Variants in KIF13B observed in about 807,000 individuals in gnomAD.
KIF13B encodes the protein kinesin family member 13B.
In KIF13B, 127 loss-of-function variants were observed where a neutral mutation model predicts 222.0. That is an observed-to-expected ratio of 0.57 (90% CI 0.50 to 0.66). The LOEUF (loss-of-function observed/expected upper bound fraction) is 0.66, where lower values mean the gene tolerates loss of function less well. Among genes scored for constraint, KIF13B ranks in the 30% least tolerant of loss-of-function variants. The probability of loss-of-function intolerance (pLI) is 0.00; values close to 1 mark genes in which losing one functional copy is unlikely to be tolerated. For missense variants in KIF13B, 2,173 were observed against 2,379.0 expected (o/e 0.91, Z 1.80); for synonymous variants, 976 against 919.0 (o/e 1.06, Z -1.12).
At chr8:29,157,253 C>T (rs564530601) in intron 13 of KIF13B, among the ~76,000 whole-genome samples, 2 of 151,964 alleles carry the variant, frequency 1.3e-5, no homozygotes, top group African/African-American at 4.8e-5. Context: ...TCACACCATC[C>T]CCTATTTAAA....
rs563797374 is a variant in KIF13B, at chr8:29,196,621, G to C, written c.150-422C>G. ...ACAGATTACTCTCTTATCTGTACAGGCTCCTCTACAAAACAATGAATTCTA... is the reference window on the plus strand; with the variant it reads ...ACAGATTACTCTCTTATCTGTACAGCCTCCTCTACAAAACAATGAATTCTA... On this transcript the variant is annotated intron_variant, in intron 2 of 39. Transcript: ENST00000524189. Among the ~76,000 whole-genome samples, 13 of 152,098 alleles carry C rather than the reference G, an allele frequency of 8.5e-5. No individual in the cohort carries two copies. The East Asian group carries it at 1.5e-3, about 18-fold the overall frequency.
chr8:29,189,091 A>C (rs1032735739), intron 4 of KIF13B, among the ~76,000 whole-genome samples: 2 of 152,136 alleles, frequency 1.3e-5, no homozygotes, highest in African/African-American at 2.4e-5. Flanking sequence ...AGAGCCTGGA[A>C]ATTTCCCTCA....
chr8:29,118,181 C>G (rs534418693), intron 30 of KIF13B, among the ~76,000 whole-genome samples: 117 of 150,996 alleles, frequency 7.7e-4, no homozygotes, highest in Middle Eastern at 6.8e-3. Flanking sequence ...TTAAAAAGTC[C>G]TTACAAAATG....
chr8:29,195,824 C>A (rs1191422319), intron 3 of KIF13B, among the ~76,000 whole-genome samples: 1 of 152,170 alleles, frequency 6.6e-6, no homozygotes, highest in Non-Finnish European at 1.5e-5. Flanking sequence ...CGGCTTGAGG[C>A]CGCGCAGGTT....
chr8:29,140,553 A>G lies in KIF13B; in HGVS notation c.2399T>C (p.Ile800Thr), dbSNP rs764798594. The change falls in exon 20 of 40, where the codon ATT (isoleucine) becomes ACT (threonine). Residue 800 changes from isoleucine (I) to threonine (T), a missense_variant. Around this residue, in one of 2 missense-constraint regions of KIF13B, gnomAD observed 1,480 missense variants for 1,722.8 expected, o/e 0.86. Transcript: ENST00000524189. ...FYDEQENHSL[I>T]GVANVFLESL... Reference sequence around the variant, plus strand: ...CTCGAGGAAGACATTGGCCACCCCAATGAGACTGTGATTTTCCTGCTCATC... The same window carrying G: ...CTCGAGGAAGACATTGGCCACCCCAGTGAGACTGTGATTTTCCTGCTCATC... The G allele has an allele frequency of 6.8e-5, 109 of 1,613,738 alleles. No individual in the cohort carries two copies. Among genetic ancestry groups the G allele is most frequent in the Non-Finnish European group, 9.1e-5 (107 of 1,179,764 alleles).
In KIF13B at chr8:29,157,689, A is replaced by G. The variant is rs1203261605; in HGVS notation, c.1405-1833T>C. Among the ~76,000 whole-genome samples, 8 of 152,158 alleles carry G rather than the reference A, an allele frequency of 5.3e-5. No individual in the cohort carries two copies. In the East Asian group the frequency reaches 1.5e-3, roughly 29 times the overall value. ...CACTGCACTCCAGCCTGGGCGAAAG[A>G]GCAAGACTCCGTCTCAATAAATAAA... On this transcript the variant is annotated intron_variant, in intron 13 of 39. Transcript: ENST00000524189.
intron 6 of KIF13B, among the ~76,000 whole-genome samples, chr8:29,184,943 T>C (rs963255569): frequency 1.3e-5 from 2 of 152,136 alleles, no homozygotes; most frequent in Admixed American, 6.5e-5. Flanking sequence ...TCTAGCCTCT[T>C]TGTTTTGGAA....
intron 35 of KIF13B, among the ~76,000 whole-genome samples, chr8:29,106,674 T>G (rs1809088093): frequency 7.0e-6 from 1 of 143,354 alleles, no homozygotes; most frequent in African/African-American, 2.6e-5. Flanking sequence ...AATTAATGCA[T>G]CAACTTAATC....
At chr8:29,258,724 A>G (rs1816575812) in intron 1 of KIF13B, among the ~76,000 whole-genome samples, 1 of 152,132 alleles carries the variant, frequency 6.6e-6, no homozygotes, top group South Asian at 2.1e-4. Context: ...TCCTCCCTGG[A>G]AGTCCAACCA....
At chr8:29,182,714 GAAT>G (rs1563766973) in intron 6 of KIF13B, among the ~76,000 whole-genome samples, 2 of 151,230 alleles carry the variant, frequency 1.3e-5, no homozygotes, top group Non-Finnish European at 2.9e-5. Flanking sequence ...AAAATATTAA[GAAT>G]AATAATATAA....
rs1289338017 is a variant in KIF13B, at chr8:29,181,875, C to T, written c.585+44G>A. 5.1e-6 allele frequency: 7 copies of T among 1,385,002 alleles called. No homozygotes were observed. The East Asian group carries it at 1.4e-4, about 28-fold the overall frequency. 85.8% of individuals were successfully genotyped at this position (1,385,002 alleles called of 1,614,324 possible). On this transcript the variant is annotated intron_variant, in intron 7 of 39. Coordinates refer to ENST00000524189, the MANE Select transcript of KIF13B (RefSeq NM_015254.4). ...AGCCAAGAAAAAAAAGAGCCCCACC[C>T]TACTACACTAAATTTAAATAGTTCA...
chr8:29,199,978 A>G (rs1813623062), intron 2 of KIF13B, among the ~76,000 whole-genome samples: 1 of 152,234 alleles, frequency 6.6e-6, no homozygotes, highest in Non-Finnish European at 1.5e-5. Context: ...TTTAAATAAA[A>G]TGTTTTTATA....
chr8:29,241,729 C>T (rs1375459912), intron 2 of KIF13B, among the ~76,000 whole-genome samples: 1 of 147,148 alleles, frequency 6.8e-6, no homozygotes, highest in Non-Finnish European at 1.5e-5. Context: ...AAAAAAAAGC[C>T]TTTTCCACAT....
chr8:29,188,556 A>G lies in KIF13B; in HGVS notation c.275T>C (p.Phe92Ser), dbSNP rs769508690. The G allele has an allele frequency of 6.2e-7, 1 of 1,612,484 alleles. No individual in the cohort carries two copies. Among genetic ancestry groups the G allele is most frequent in the African/African-American group, 1.3e-5 (1 of 74,936 alleles). The change falls in exon 5 of 40, where the codon TTT becomes TCT. Residue 92 changes from phenylalanine (F) to serine (S), a missense_variant. By Grantham distance (155) the Phe-to-Ser change is radical. Around this residue, in one of 2 missense-constraint regions of KIF13B, gnomAD observed 1,480 missense variants for 1,722.8 expected, o/e 0.86. Coordinates refer to ENST00000524189, the MANE Select transcript of KIF13B (RefSeq NM_015254.4). The stretch of plus-strand genomic sequence containing the variant: ...AAAGATACATGCATTGTAGCCATCA[A>G]AAGCATTCTGCAGGATATTCTCTCC... ...CLGENILQNAFDGYNACIFAY... is the reference protein window; with the variant it reads ...CLGENILQNASDGYNACIFAY...
chr8:29,084,625 T>C (rs1174728620), intron 37 of KIF13B, among the ~76,000 whole-genome samples: 1 of 152,200 alleles, frequency 6.6e-6, no homozygotes, highest in East Asian at 1.9e-4. Flanking sequence ...ATCTGACCAT[T>C]AACCCTTTAA....
chr8:29,193,812 C>A (rs182309826), intron 3 of KIF13B, among the ~76,000 whole-genome samples: 4 of 152,126 alleles, frequency 2.6e-5, no homozygotes, highest in Non-Finnish European at 4.4e-5. Flanking sequence ...TACTGTACTG[C>A]TTTTTACATT....
At chr8:29,209,287 T>C (rs1467860823) in intron 2 of KIF13B, among the ~76,000 whole-genome samples, 2 of 152,134 alleles carry the variant, frequency 1.3e-5, no homozygotes, top group African/African-American at 2.4e-5. Flanking sequence ...AACAGGCTCA[T>C]GGAGGGCGAG....
chr8:29,087,497 A>C (rs1182012780), intron 37 of KIF13B, among the ~76,000 whole-genome samples: 1 of 152,254 alleles, frequency 6.6e-6, no homozygotes, highest in Non-Finnish European at 1.5e-5. Context: ...TCACACATCA[A>C]TTAGACCACA....
intron 35 of KIF13B, among the ~76,000 whole-genome samples, chr8:29,105,096 A>G: frequency 6.6e-6 from 1 of 151,792 alleles, no homozygotes; most frequent in East Asian, 1.9e-4. Context: ...AGCCTCGAAT[A>G]GCTGGGATTA....
Sources: gnomAD v4.1 joint callset for allele counts (sites outside exome capture counted in the v4.1 genomes callset) on GRCh38, gnomAD v4.1.1 for gene constraint, gnomAD v4.1.1 regional missense constraint, MANE v1.5 for transcripts, NCBI Gene and HGNC (gene_info 2026-07-23, HGNC 2026-07-21) for gene names.